NEBL: variants seen among roughly 807,000 people sequenced by gnomAD.
NEBL encodes LIM and SH3 protein 2.
In NEBL, 122 loss-of-function variants were observed where a neutral mutation model predicts 140.2. That is an observed-to-expected ratio of 0.87 (90% CI 0.75 to 1.01). The LOEUF is 1.01. NEBL is among the 50% of genes least tolerant of loss of function. The pLI, the probability that NEBL is intolerant of heterozygous loss-of-function variation, is 0.00. For missense variants in NEBL, 1,365 were observed against 1,231.3 expected (o/e 1.11, Z -1.62); for synonymous variants, 436 against 398.9 (o/e 1.09, Z -1.11).
At chr10:20,813,863 A>C in intron 23 of NEBL, 76 bp downstream of exon 23, 1 of 949,082 alleles carries the variant, frequency 1.1e-6, no homozygotes, top group South Asian at 1.3e-5. Flanking sequence ...TCGGATTAAT[A>C]GTGAAGTAAT....
intron 3 of NEBL, among the ~76,000 whole-genome samples, chr10:20,970,700 A>G (rs1019366477): frequency 5.3e-5 from 8 of 152,170 alleles, no homozygotes; most frequent in African/African-American, 2.4e-5. Context: ...AATAATTACA[A>G]GGTACATATA....
intron 3 of NEBL, among the ~76,000 whole-genome samples, chr10:20,966,407 A>G (rs1246345894): frequency 1.3e-5 from 2 of 152,258 alleles, no homozygotes; most frequent in Non-Finnish European, 2.9e-5. Flanking sequence ...GCAATATGCT[A>G]CACATTAAAT....
At chr10:21,063,095 G>A (rs1381815218) in intron 2 of NEBL, among the ~76,000 whole-genome samples, 1 of 152,152 alleles carries the variant, frequency 6.6e-6, no homozygotes, top group East Asian at 1.9e-4. Flanking sequence ...TCAGCATGGG[G>A]ATGCCTGCAA....
At chr10:21,126,273 C>A in intron 2 of NEBL, 1 of 699,384 alleles carries the variant, frequency 1.4e-6, no homozygotes, top group Non-Finnish European at 2.4e-6. Flanking sequence ...CTTTTGTAAG[C>A]CTCATTACAG....
chr10:20,956,404 G>A (rs1009262025), intron 4 of NEBL, among the ~76,000 whole-genome samples: 5 of 151,902 alleles, frequency 3.3e-5, no homozygotes, highest in Admixed American at 3.3e-4. Context: ...TAAAGATAAT[G>A]CTACTGACCC....
At chr10:21,193,135 C>T (rs1050167819) in intron 3 of NEBL, among the ~76,000 whole-genome samples, 2 of 151,906 alleles carry the variant, frequency 1.3e-5, no homozygotes, top group Admixed American at 1.3e-4. Context: ...ATGTAGCAAC[C>T]CAATCACAGG....
At chr10:21,282,198 A>G (rs1843001424) in intron 1 of NEBL, among the ~76,000 whole-genome samples, 1 of 152,156 alleles carries the variant, frequency 6.6e-6, no homozygotes, top group African/African-American at 2.4e-5. Flanking sequence ...AGAAGTGAAT[A>G]TGTAGATTTA....
At chr10:21,153,355 C>G (rs1414271809) in intron 2 of NEBL, among the ~76,000 whole-genome samples, 1 of 147,804 alleles carries the variant, frequency 6.8e-6, no homozygotes, top group Non-Finnish European at 1.5e-5. Flanking sequence ...GAGTTTTGCT[C>G]TGTCATCCAG....
In NEBL at chr10:20,826,466, T is replaced by A; in HGVS notation, c.1850A>T (p.Asn617Ile). The part of the protein sequence containing the change: ...DSPEIERVKK[N>I]QQNISSVKYK... ...ACTTACTGAACTAATATTCTGCTGA[T>A]TTTTCTTCACTCGTTCGATCTCTGG... The change falls in exon 18 of 28, where the codon AAT becomes ATT. Residue 617 changes from asparagine (N) to isoleucine (I), a missense_variant. Asn to Ile is a moderately radical substitution (Grantham distance 149). Coordinates refer to ENST00000377122, the MANE Select transcript of NEBL (RefSeq NM_006393.3). 1.2e-6 allele frequency: 2 copies of A among 1,612,402 alleles called. No individual in the cohort carries two copies. The highest frequency in any genetic ancestry group is 1.7e-6 in the Non-Finnish European group (2 of 1,178,712).
chr10:20,892,996 C>T lies in NEBL; in HGVS notation c.154-3047G>A, dbSNP rs192408701. ...TAAGCTTTCTCTGGAGGAGTAACCA[C>T]AGAATTTAATGTTTTTGGCATTGAA... On this transcript the variant is annotated intron_variant, in intron 2 of 27. Coordinates refer to ENST00000377122, the MANE Select transcript of NEBL (RefSeq NM_006393.3). Among the ~76,000 whole-genome samples, 230 of 152,312 alleles carry T rather than the reference C, an allele frequency of 1.5e-3. 1 individual carries two copies. Among genetic ancestry groups the T allele is most frequent in the African/African-American group, 5.3e-3 (222 of 41,566 alleles).
upstream of NEBL, among the ~76,000 whole-genome samples, chr10:20,898,453 A>AC (rs398114147): frequency 6.6e-6 from 1 of 151,380 alleles, no homozygotes; most frequent in Non-Finnish European, 1.5e-5. Context: ...TAAAAAAAAA[A>AC]TGCCTTGGCC....
At chr10:20,872,199 G>A (rs890294596) in intron 5 of NEBL, among the ~76,000 whole-genome samples, 26 of 152,234 alleles carry the variant, frequency 1.7e-4, no homozygotes, top group South Asian at 6.2e-4. Context: ...GGCAGCAGGA[G>A]CAGGACTTTG....
chr10:21,266,357 G>C (rs191580371), intron 1 of NEBL, among the ~76,000 whole-genome samples: 1 of 152,280 alleles, frequency 6.6e-6, no homozygotes, highest in Admixed American at 6.5e-5. Flanking sequence ...GCCCAGGCTA[G>C]TCTCGAACTC....
chr10:21,069,365 T>A (rs959507376), intron 2 of NEBL, among the ~76,000 whole-genome samples: 2 of 152,172 alleles, frequency 1.3e-5, no homozygotes, highest in South Asian at 4.2e-4. Context: ...TGTTCTCCCA[T>A]GCACCATGTC....
At chr10:21,047,087 T>A (rs1416205633) in intron 2 of NEBL, among the ~76,000 whole-genome samples, 1 of 152,198 alleles carries the variant, frequency 6.6e-6, no homozygotes, top group South Asian at 2.1e-4. Context: ...CATGCAGACT[T>A]TCCAGATGTA....
intron 2 of NEBL, among the ~76,000 whole-genome samples, chr10:21,032,808 G>A (rs911362127): frequency 6.6e-6 from 1 of 152,098 alleles, no homozygotes; most frequent in Non-Finnish European, 1.5e-5. Flanking sequence ...TCTCTTTCTG[G>A]CTCGAAGGGT....
Position 21,044,140 on chromosome 10 carries a change from T to C in NEBL, c.165-23939A>G, listed in dbSNP as rs553950957. On this transcript the variant is annotated intron_variant, in intron 2 of 6. Coordinates refer to the NEBL transcript ENST00000417816. ...GGCAGGGCACGATGGCTCACGCCTG[T>C]AATCCCAACAATTTTGGAGGCCAAG... 9.9e-5 allele frequency among the ~76,000 whole-genome samples: 15 copies of C among 152,254 alleles called. 1 individual carries two copies. Among genetic ancestry groups the C allele is most frequent in the African/African-American group, 3.4e-4 (14 of 41,560 alleles).
intron 3 of NEBL, among the ~76,000 whole-genome samples, chr10:20,998,849 T>TA (rs1365000689): frequency 6.6e-6 from 1 of 152,204 alleles, no homozygotes; most frequent in Non-Finnish European, 1.5e-5. Context: ...GTCTATGGAC[T>TA]AACTTCTGTC....
At chr10:20,996,191 C>A (rs377643193) in intron 3 of NEBL, among the ~76,000 whole-genome samples, 1 of 152,158 alleles carries the variant, frequency 6.6e-6, no homozygotes, top group East Asian at 1.9e-4. Context: ...TGTGCCACTA[C>A]GATGTGATAC....
Sources: allele counts gnomAD v4.1 joint callset (sites outside exome capture counted in the v4.1 genomes callset), GRCh38; gene constraint gnomAD v4.1.1; transcripts MANE v1.5; gene names NCBI Gene and HGNC (gene_info 2026-07-23, HGNC 2026-07-21).